Variants in PARD3B observed in about 807,000 individuals in gnomAD.
PARD3B encodes par-3 family cell polarity regulator beta.
Under a neutral mutation model 130.2 loss-of-function variants are expected in PARD3B, and 103 were observed. The observed-to-expected ratio is 0.79, with a 90% CI of 0.67 to 0.93. PARD3B has a LOEUF of 0.93. PARD3B is among the 40% of genes least tolerant of loss of function. PARD3B has a pLI of 0.00. For synonymous variants in PARD3B, 583 were observed against 553.2 expected, an observed-to-expected ratio of 1.05 and a Z score of -0.76; for missense variants, 1,609 against 1,499.2, an observed-to-expected ratio of 1.07 and a Z score of -1.21.
At chr2:204,686,415 A>G in intron 2 of PARD3B, 133 bp downstream of exon 2, 1 of 674,050 alleles carries the variant, frequency 1.5e-6, no homozygotes, top group Non-Finnish European at 2.6e-6. Context: ...TCACCTGGAC[A>G]GCCCATAAAT....
chr2:205,218,982 A>C (rs1435112043), intron 15 of PARD3B, among the ~76,000 whole-genome samples: 1 of 152,036 alleles, frequency 6.6e-6, no homozygotes, highest in Admixed American at 6.6e-5. Context: ...CGGGAGGCTG[A>C]AGCAGGAGAA....
At position 205,417,051 on chromosome 2, in the gene PARD3B, G is replaced by A. The variant is rs1005174853; in HGVS notation, c.2741+15928G>A. On this transcript the variant is annotated intron_variant, in intron 19 of 22. Coordinates refer to ENST00000406610, the MANE Select transcript of PARD3B (RefSeq NM_001302769.2). ...CCCGTTAACTCGTCATTTACATTAGGTGTATCTCCTAATGCTATCCCTCCC... is the reference window on the plus strand; with the variant it reads ...CCCGTTAACTCGTCATTTACATTAGATGTATCTCCTAATGCTATCCCTCCC... Among the ~76,000 whole-genome samples the A allele has an allele frequency of 1.8e-4, 27 of 150,892 alleles. No homozygotes were observed. The South Asian group carries it at 3.6e-3, about 20-fold the overall frequency.
At chr2:205,574,327 T>A (rs1051950176) in intron 22 of PARD3B, among the ~76,000 whole-genome samples, 1 of 152,178 alleles carries the variant, frequency 6.6e-6, no homozygotes, top group African/African-American at 2.4e-5. Flanking sequence ...TATTTGCAAG[T>A]CAAGATGTCA....
chr2:204,891,463 A>G (rs940622098), intron 2 of PARD3B, among the ~76,000 whole-genome samples: 2 of 152,142 alleles, frequency 1.3e-5, no homozygotes, highest in South Asian at 4.1e-4. Flanking sequence ...GAGCTCGATG[A>G]TTTATTTTAT....
chr2:205,374,248 T>TTAA (rs1455622244), intron 18 of PARD3B, among the ~76,000 whole-genome samples: 1 of 151,936 alleles, frequency 6.6e-6, no homozygotes, highest in African/African-American at 2.4e-5. Flanking sequence ...ATTATTATTA[T>TTAA]TTTTTTGAGA....
At chr2:205,054,424 ATATATATATATATTTTT>A (rs1313876006) in intron 4 of PARD3B, among the ~76,000 whole-genome samples, 269 of 21,448 alleles carry the variant, frequency 0.013, 1 homozygote, top group African/African-American at 0.034. Flanking sequence ...ATATATATAT[ATATATATATATATTTTT>A]TTTTTTTTTT....
At chr2:205,049,752 T>C in intron 4 of PARD3B, among the ~76,000 whole-genome samples, 1 of 152,182 alleles carries the variant, frequency 6.6e-6, no homozygotes, top group East Asian at 1.9e-4. Flanking sequence ...CATCTCATAA[T>C]TCAAGAATAA....
intron 2 of PARD3B, among the ~76,000 whole-genome samples, chr2:204,846,273 T>G (rs1159608061): frequency 1.3e-5 from 2 of 152,026 alleles, no homozygotes; most frequent in Non-Finnish European, 2.9e-5. Flanking sequence ...GGAAGGCAGT[T>G]GCTCTTCATA....
chr2:205,489,561 T>TATATATACATATATAC, intron 20 of PARD3B, among the ~76,000 whole-genome samples: 1 of 129,800 alleles, frequency 7.7e-6, no homozygotes, highest in Non-Finnish European at 1.6e-5. Flanking sequence ...TATATATACA[T>TATATATACATATATAC]ATATATACAC....
At chr2:205,314,903 C>A (rs71427780) in intron 18 of PARD3B, among the ~76,000 whole-genome samples, 1 of 152,138 alleles carries the variant, frequency 6.6e-6, no homozygotes, top group South Asian at 2.1e-4. Context: ...CGGGATGCCT[C>A]CCCCTTCCCA....
intron 1 of PARD3B, among the ~76,000 whole-genome samples, chr2:204,578,666 G>C (rs2032391323): frequency 1.3e-5 from 2 of 152,070 alleles, no homozygotes; most frequent in Admixed American, 1.3e-4. Flanking sequence ...AAAACCTTAA[G>C]AACTACACAG....
rs890086876 is a variant in PARD3B, at chr2:204,943,403, C to T, written c.223-21749C>T. Among the ~76,000 whole-genome samples, 1 of 151,992 alleles carries T rather than the reference C, an allele frequency of 6.6e-6. No homozygotes were observed. Among genetic ancestry groups the T allele is most frequent in the Non-Finnish European group, 1.5e-5 (1 of 68,002 alleles). ...CCAAGATCCCAGCAATGAGCCCTTT[C>T]CTCTGCTTCTCATGGAGTTCTTACT... On this transcript the variant is annotated intron_variant, in intron 2 of 22. Coordinates refer to ENST00000406610, the MANE Select transcript of PARD3B (RefSeq NM_001302769.2). The surrounding 1 kb of genome is among the most constrained non-coding windows in gnomAD (Gnocchi z 4.2).
At chr2:205,354,289 A>ACC (rs2044107281) in intron 18 of PARD3B, among the ~76,000 whole-genome samples, 1 of 150,816 alleles carries the variant, frequency 6.6e-6, no homozygotes, top group African/African-American at 2.4e-5. Flanking sequence ...CCGTTCAGTT[A>ACC]CCGGTCAGGG....
intron 1 of PARD3B, among the ~76,000 whole-genome samples, chr2:204,584,937 A>G (rs2032751164): frequency 6.6e-6 from 1 of 152,234 alleles, no homozygotes; most frequent in South Asian, 2.1e-4. Context: ...CAGCAACAGC[A>G]GGAAGCAACT....
rs2034354316 is a variant in PARD3B, at chr2:205,159,039, A to G, written c.1620+132A>G. The G allele has an allele frequency of 3.2e-6, 3 of 924,544 alleles. No individual in the cohort carries two copies. The South Asian group carries it at 4.8e-5, about 15-fold the overall frequency. 57.3% of individuals were successfully genotyped at this position (924,544 alleles called of 1,614,324 possible). On this transcript the variant is annotated intron_variant, in intron 11 of 22. Coordinates refer to ENST00000406610, the MANE Select transcript of PARD3B (RefSeq NM_001302769.2). ...GACTTTCCCGCCAGATACAAAAAAT[A>G]TATGTGTGAACAGATCTGGGAAATA...
chr2:204,571,251 G>C (rs2031987503), intron 1 of PARD3B, among the ~76,000 whole-genome samples: 2 of 152,306 alleles, frequency 1.3e-5, no homozygotes, highest in African/African-American at 4.8e-5. Context: ...CTATGAATAT[G>C]AACTAGCTCT....
At position 205,205,231 on chromosome 2, in the gene PARD3B, C is replaced by A. The variant is rs183033057; in HGVS notation, c.2140+11911C>A. ...TAGCAATTGTGAATGGGAGTTCACT[C>A]ATGATTTGGCTCTCTGTCTGTTACT... On this transcript the variant is annotated intron_variant, in intron 15 of 22. Transcript: ENST00000406610. 9.0e-4 allele frequency among the ~76,000 whole-genome samples: 137 copies of A among 152,248 alleles called. 1 individual carries two copies. The East Asian group carries it at 0.014, about 15-fold the overall frequency.
chr2:204,859,836 G>C (rs2045111569), intron 2 of PARD3B, among the ~76,000 whole-genome samples: 1 of 152,134 alleles, frequency 6.6e-6, no homozygotes, highest in South Asian at 2.1e-4. Flanking sequence ...TTTCCTGGTG[G>C]CCTTAGGGAG....
intron 18 of PARD3B, among the ~76,000 whole-genome samples, chr2:205,372,281 T>C (rs1300901735): frequency 6.6e-6 from 1 of 152,212 alleles, no homozygotes; most frequent in African/African-American, 2.4e-5. Flanking sequence ...ACCAGCAGGG[T>C]ATGAAGGCTC....
Sources: allele counts gnomAD v4.1 joint callset (sites outside exome capture counted in the v4.1 genomes callset), GRCh38; gene constraint gnomAD v4.1.1; non-coding constraint Gnocchi (gnomAD v3.1); transcripts MANE v1.5; gene names NCBI Gene and HGNC (gene_info 2026-07-23, HGNC 2026-07-21).